Variants in TPD52 observed in about 807,000 individuals in gnomAD.
The protein encoded by TPD52 is tumor protein D52.
A neutral mutation model predicts 31.3 loss-of-function variants in TPD52; 17 were observed. The observed-to-expected ratio is 0.54, with a 90% CI of 0.37 to 0.82. The LOEUF is 0.82. Ranked by LOEUF, TPD52 falls within the 40% of genes least tolerant of loss-of-function variation. The probability of loss-of-function intolerance (pLI) is 0.00; values close to 1 mark genes in which losing one functional copy is unlikely to be tolerated. For synonymous variants in TPD52, 83 were observed against 89.6 expected, an observed-to-expected ratio of 0.93 and a Z score of 0.42; for missense variants, 212 against 240.1, an observed-to-expected ratio of 0.88 and a Z score of 0.77.
At chr8:80,055,690 AAAAC>A (rs760590971) in intron 2 of TPD52, among the ~76,000 whole-genome samples, 2 of 152,208 alleles carry the variant, frequency 1.3e-5, no homozygotes, top group Non-Finnish European at 2.9e-5. Flanking sequence ...ATTCAACAAC[AAAAC>A]AAACAAGCAA....
chr8:80,086,068 G>A (rs1445525525), intron 1 of TPD52, among the ~76,000 whole-genome samples: 2 of 128,272 alleles, frequency 1.6e-5, no homozygotes, highest in Non-Finnish European at 3.4e-5. Flanking sequence ...ACAAGTTTTT[G>A]TTGGGGTTTT....
intron 1 of TPD52, among the ~76,000 whole-genome samples, chr8:80,079,009 C>G (rs1814917548): frequency 6.6e-6 from 1 of 152,160 alleles, no homozygotes; most frequent in Non-Finnish European, 1.5e-5. Flanking sequence ...GATCAAGGTC[C>G]ACCTGAAGTC....
chr8:80,085,544 A>G (rs1287021777), intron 1 of TPD52, among the ~76,000 whole-genome samples: 1 of 152,304 alleles, frequency 6.6e-6, no homozygotes, highest in East Asian at 1.9e-4. Context: ...CAGACGTGTC[A>G]TGGTGATACA....
chr8:80,085,185 T>C (rs1370090272), intron 1 of TPD52, among the ~76,000 whole-genome samples: 2 of 152,036 alleles, frequency 1.3e-5, no homozygotes, highest in Non-Finnish European at 2.9e-5. Flanking sequence ...CCCAGAAAAG[T>C]GCTCACGCAC....
intron 1 of TPD52, among the ~76,000 whole-genome samples, chr8:80,097,747 GAACA>G: frequency 6.6e-6 from 1 of 152,152 alleles, no homozygotes; most frequent in Non-Finnish European, 1.5e-5. Flanking sequence ...AGCAATGCAA[GAACA>G]AACTAAAACG....
Position 80,164,898 on chromosome 8 carries a change from C to CAAAAAAAAAA in TPD52, c.19+6517_19+6526dup. Among the ~76,000 whole-genome samples, 48 of 31,904 alleles carry CAAAAAAAAAA rather than the reference C, an allele frequency of 1.5e-3. 3 individuals carry two copies. Among genetic ancestry groups the CAAAAAAAAAA allele is most frequent in the African/African-American group, 2.6e-3 (23 of 9,002 alleles). 20.9% of individuals were successfully genotyped at this position (31,904 alleles called of 152,430 possible). The stretch of plus-strand genomic sequence containing the variant: ...TGGGTGGCAGAGGGAGACAATGTCT[C>CAAAAAAAAAA]AAAAAAAAAAAAAAAAAAAAAAAAA... On this transcript the variant is annotated intron_variant, in intron 1 of 7. Coordinates refer to ENST00000518937, the MANE Select transcript of TPD52 (RefSeq NM_001025253.3).
At chr8:80,051,454 G>T in intron 4 of TPD52, 73 bp downstream of exon 4, 1 of 1,441,476 alleles carries the variant, frequency 6.9e-7, no homozygotes. Flanking sequence ...CCAAGGTCAG[G>T]AAACAGATGC....
intron 1 of TPD52, among the ~76,000 whole-genome samples, chr8:80,128,494 C>CAAAAGAAAAA (rs1808789571): frequency 3.6e-5 from 3 of 83,152 alleles, no homozygotes; most frequent in Non-Finnish European, 6.5e-5. Context: ...CCTGTCTCTA[C>CAAAAGAAAAA]AAAAAAAAAA....
intron 1 of TPD52, among the ~76,000 whole-genome samples, chr8:80,152,817 C>T: frequency 6.9e-6 from 1 of 144,096 alleles, no homozygotes; most frequent in South Asian, 2.3e-4. Flanking sequence ...ACAAGCAGAT[C>T]TCAGGTTTCC....
intron 2 of TPD52, among the ~76,000 whole-genome samples, chr8:80,061,196 C>G (rs1034062953): frequency 6.6e-6 from 1 of 150,806 alleles, no homozygotes; most frequent in Non-Finnish European, 1.5e-5. Context: ...GAAACCCCAT[C>G]TCTACTAAAA....
intron 1 of TPD52, among the ~76,000 whole-genome samples, chr8:80,072,333 GTGTGTGTGTGTGTGTA>G (rs1320025946): frequency 6.6e-6 from 1 of 150,806 alleles, no homozygotes; most frequent in Non-Finnish European, 1.5e-5. Context: ...GTGTGTGTGT[GTGTGTGTGTGTGTGTA>G]TGTGTGTATA....
chr8:80,106,836 C>A (rs1446379571), intron 1 of TPD52, among the ~76,000 whole-genome samples: 21 of 143,808 alleles, frequency 1.5e-4, no homozygotes, highest in South Asian at 6.8e-4. Flanking sequence ...CAAAAAAAAA[C>A]CCCAAAAAAA....
At chr8:80,158,938 C>A (rs1175656510) in intron 1 of TPD52, 4 of 92,980 alleles carry the variant, frequency 4.3e-5, no homozygotes, top group African/African-American at 1.7e-4. Flanking sequence ...AGCGAGACTC[C>A]GTCTCAAAAA....
rs574935427 is a variant in TPD52, at chr8:80,119,001, A to G, written c.19+52424T>C. The stretch of plus-strand genomic sequence containing the variant: ...ACACAAGTATTCAAAGTAGTTAAAA[A>G]GTAAAAACAACCCAAATGTCCATCA... On this transcript the variant is annotated intron_variant, in intron 1 of 7. Coordinates refer to ENST00000518937, the MANE Select transcript of TPD52 (RefSeq NM_001025253.3). Among the ~76,000 whole-genome samples the G allele has an allele frequency of 3.9e-5, 6 of 152,386 alleles. No individual in the cohort carries two copies. In the South Asian group the frequency reaches 1.2e-3, roughly 32 times the overall value.
intron 1 of TPD52, chr8:80,080,465 G>T: frequency 6.2e-7 from 1 of 1,613,476 alleles, no homozygotes; most frequent in Non-Finnish European, 8.5e-7. Context: ...CCAGACAAAC[G>T]CAGAATGCAT....
chr8:80,087,086 G>A (rs915300264), intron 1 of TPD52, among the ~76,000 whole-genome samples: 4 of 152,100 alleles, frequency 2.6e-5, no homozygotes, highest in South Asian at 2.1e-4. Context: ...CTGGTCAACC[G>A]GATGGGGCTA....
rs1809945482 is a variant in TPD52, at chr8:80,036,868, C to T, written c.*1248G>A. On this transcript the variant is annotated 3_prime_UTR_variant, in exon 8 of 8. Coordinates refer to ENST00000518937, the MANE Select transcript of TPD52 (RefSeq NM_001025253.3). ...ATCACAATTTAATAAATAACAAATA[C>T]AACATTGTAGGCCATAATCATATAC... 1 of 152,320 alleles carries T rather than the reference C, an allele frequency of 6.6e-6. No individual in the cohort carries two copies. The highest frequency in any genetic ancestry group is 2.4e-5 in the African/African-American group (1 of 41,430). 9.4% of individuals were successfully genotyped at this position (152,320 alleles called of 1,614,324 possible).
chr8:80,108,691 T>A (rs1433276914), intron 1 of TPD52, among the ~76,000 whole-genome samples: 2 of 151,976 alleles, frequency 1.3e-5, no homozygotes, highest in African/African-American at 2.4e-5. Context: ...AACTGGTGAG[T>A]TTGTGAAACT....
At chr8:80,152,096 G>A (rs1810606802) in intron 1 of TPD52, among the ~76,000 whole-genome samples, 1 of 152,174 alleles carries the variant, frequency 6.6e-6, no homozygotes, top group African/African-American at 2.4e-5. Context: ...CCAGGCTTTA[G>A]ACGCACCTTC....
Sources: gnomAD v4.1 joint callset for allele counts (sites outside exome capture counted in the v4.1 genomes callset) on GRCh38, gnomAD v4.1.1 for gene constraint, MANE v1.5 for transcripts, NCBI Gene and HGNC (gene_info 2026-07-23, HGNC 2026-07-21) for gene names.